Variants in FNIP2 observed in about 807,000 individuals in gnomAD.
FNIP2 encodes folliculin interacting protein 2.
In FNIP2, 32 loss-of-function variants were observed where a neutral mutation model predicts 108.7. The ratio of observed to expected loss-of-function variants is 0.29; its 90% confidence interval spans 0.22 to 0.40. The LOEUF (loss-of-function observed/expected upper bound fraction) is 0.40. Among genes scored for constraint, FNIP2 ranks in the 10% least tolerant of loss-of-function variants. The pLI is 1.00. For missense variants in FNIP2, 1,202 were observed against 1,381.6 expected (o/e 0.87, Z 2.06); for synonymous variants, 480 against 496.7 (o/e 0.97, Z 0.45).
intron 14 of FNIP2, among the ~76,000 whole-genome samples, chr4:158,883,402 C>T (rs953007892): frequency 6.6e-5 from 10 of 152,180 alleles, no homozygotes; most frequent in East Asian, 1.9e-4. Context: ...CCACTATGCC[C>T]GGCTAATTTT....
chr4:158,801,407 ATCAG>A (rs994753221), intron 1 of FNIP2, among the ~76,000 whole-genome samples: 1 of 152,238 alleles, frequency 6.6e-6, no homozygotes, highest in Admixed American at 6.5e-5. Context: ...AATTTGACTT[ATCAG>A]TCAGTGATAT....
intron 1 of FNIP2, among the ~76,000 whole-genome samples, chr4:158,778,250 A>G (rs1163749246): frequency 2.6e-5 from 4 of 152,202 alleles, no homozygotes; most frequent in Non-Finnish European, 5.9e-5. Context: ...GCACACTACA[A>G]TAGTCTTCCC....
chr4:158,825,892 T>A, intron 1 of FNIP2, 24 bp from the exon 2 acceptor site: 1 of 1,598,290 alleles, frequency 6.3e-7, no homozygotes, highest in Admixed American at 1.7e-5. Flanking sequence ...TAACATAACT[T>A]CTTTTGCCCT....
intron 14 of FNIP2, among the ~76,000 whole-genome samples, chr4:158,883,499 C>G (rs1221414685): frequency 3.3e-5 from 5 of 152,154 alleles, no homozygotes; most frequent in Admixed American, 1.3e-4. Flanking sequence ...CCTCAGCCTC[C>G]CAAAAGCCTG....
intron 1 of FNIP2, chr4:158,806,477 G>A (rs1394615974): frequency 8.6e-7 from 1 of 1,165,742 alleles, no homozygotes; most frequent in Middle Eastern, 2.3e-4. Context: ...TTAATTTACT[G>A]TGTAGTAAGG....
chr4:158,868,948 G>T lies in FNIP2; in HGVS notation c.2312G>T (p.Gly771Val). ...PQVSRSPFKP[G>V]FQENVCCPQN... ...GTTTCTAGGAGCCCTTTTAAACCTG[G>T]CTTTCAGGAGAATGTTTGCTGTCCT... The change falls in exon 13 of 17, where the codon GGC becomes GTC. Residue 771 changes from glycine (G) to valine (V), a missense_variant. Around this residue, in one of 5 missense-constraint regions of FNIP2, gnomAD observed 878 missense variants for 990.3 expected, o/e 0.89. Transcript: ENST00000264433. This position sits in a 1 kb window ranked among gnomAD's most constrained non-coding sequence, Gnocchi z 4.6. The T allele has an allele frequency of 6.2e-7, 1 of 1,613,996 alleles. No homozygotes were observed. The highest frequency in any genetic ancestry group is 8.5e-7 in the Non-Finnish European group (1 of 1,179,900).
intron 1 of FNIP2, among the ~76,000 whole-genome samples, 194 bp from the exon 2 acceptor site, chr4:158,825,722 T>G (rs1441393196): frequency 6.6e-6 from 1 of 152,264 alleles, no homozygotes. Context: ...AATTTTCATA[T>G]GGCCCTTTGG....
At chr4:158,787,024 G>C (rs4328866) in intron 1 of FNIP2, among the ~76,000 whole-genome samples, 54,036 of 151,306 alleles carry the variant, frequency 0.36, 9,989 homozygotes, top group Middle Eastern at 0.46. Flanking sequence ...GAATTTTACA[G>C]TTGGGACAGA....
At chr4:158,903,203 C>T (rs1432943345) in intron 16 of FNIP2, among the ~76,000 whole-genome samples, 1 of 152,158 alleles carries the variant, frequency 6.6e-6, no homozygotes, top group Non-Finnish European at 1.5e-5. Context: ...ATATTGAGTT[C>T]CTCACGGCTT....
chr4:158,814,279 G>C (rs1411604237), intron 1 of FNIP2, among the ~76,000 whole-genome samples: 1 of 152,252 alleles, frequency 6.6e-6, no homozygotes, highest in African/African-American at 2.4e-5. Flanking sequence ...TTTAGAGCCA[G>C]GAGACTGATT....
intron 7 of FNIP2, among the ~76,000 whole-genome samples, chr4:158,850,362 C>T (rs1779628914): frequency 6.6e-6 from 1 of 151,850 alleles, no homozygotes; most frequent in African/African-American, 2.4e-5. Context: ...AGTCTGTTTT[C>T]TTCCATTCTT....
Position 158,821,097 on chromosome 4 carries a change from T to C in FNIP2, c.108-4819T>C, listed in dbSNP as rs546486113. Among the ~76,000 whole-genome samples the C allele has an allele frequency of 3.3e-5, 5 of 152,340 alleles. No individual in the cohort carries two copies. The South Asian group carries it at 1.0e-3, about 32-fold the overall frequency. On this transcript the variant is annotated intron_variant, in intron 1 of 16. Transcript: ENST00000264433. ...TTGCTTTTCTAATCTTGATGAGTAG[T>C]TTCAGAAATGAGGCCTGGCTTCAAT...
intron 14 of FNIP2, chr4:158,890,153 T>G: frequency 1.0e-6 from 1 of 985,128 alleles, no homozygotes; most frequent in South Asian, 4.7e-5. Context: ...TTATCTCTCA[T>G]GTTTAAAATT....
At position 158,868,437 on chromosome 4, in the gene FNIP2, TG is replaced by T; in HGVS notation, c.1802del (p.Cys601SerfsTer75). On this transcript the variant is annotated frameshift_variant, in exon 13 of 17. Coordinates refer to ENST00000264433, the MANE Select transcript of FNIP2 (RefSeq NM_020840.3). LOFTEE classifies it high-confidence loss of function. This position sits in a 1 kb window ranked among gnomAD's most constrained non-coding sequence, Gnocchi z 4.6. ...CCCCTGGCCGACAGGGTTTCCTGAG[TG>T]CCCAGAGGGCACTGACAGTAGAGAC... ...HNPWPTGFPE[C>X]PEGTDSRDLG... 9 of 1,613,886 alleles carry T rather than the reference TG, an allele frequency of 5.6e-6. No individual in the cohort carries two copies. The highest frequency in any genetic ancestry group is 7.6e-6 in the Non-Finnish European group (9 of 1,179,840).
chr4:158,882,465 C>T (rs920515075), intron 14 of FNIP2, among the ~76,000 whole-genome samples: 10 of 152,078 alleles, frequency 6.6e-5, no homozygotes, highest in African/African-American at 2.4e-4. Context: ...GTGAGGAGCC[C>T]CTCTGCCTGG....
chr4:158,872,707 TA>T (rs763211345), intron 14 of FNIP2: 431 of 984,720 alleles, frequency 4.4e-4, no homozygotes, highest in Non-Finnish European at 4.9e-4. Flanking sequence ...GTGTTCTGTT[TA>T]AACTGGCGCT....
In FNIP2 at chr4:158,868,273, A is replaced by C. The variant is rs1445005776; in HGVS notation, c.1637A>C (p.Gln546Pro). ...AGTGGCAATCATGGTGAAGGTGACC[A>C]AGTTTTAAATGGGAGCAAGATCATA... ...TWSGNHGEGD[Q>P]VLNGSKIITA... The change falls in exon 13 of 17, where the codon CAA (glutamine) becomes CCA (proline). Residue 546 changes from glutamine to proline, a missense_variant. Physicochemically the swap from Gln to Pro is moderately conservative, Grantham distance 76. Transcript: ENST00000264433. This position sits in a 1 kb window ranked among gnomAD's most constrained non-coding sequence, Gnocchi z 4.6. 6.2e-7 allele frequency: 1 copy of C among 1,614,082 alleles called. No homozygotes were observed. Among genetic ancestry groups the C allele is most frequent in the Non-Finnish European group, 8.5e-7 (1 of 1,179,896 alleles).
chr4:158,827,925 T>C (rs1228483713), intron 2 of FNIP2, among the ~76,000 whole-genome samples: 1 of 151,956 alleles, frequency 6.6e-6, no homozygotes, highest in Non-Finnish European at 1.5e-5. Context: ...GACTGTCACA[T>C]TGGAGATTAG....
intron 14 of FNIP2, among the ~76,000 whole-genome samples, chr4:158,879,307 T>C (rs957531989): frequency 4.0e-5 from 6 of 150,220 alleles, no homozygotes; most frequent in Non-Finnish European, 7.4e-5. Flanking sequence ...TAACAGGAAA[T>C]AGAAATAAGT....
Sources: gnomAD v4.1 joint callset for allele counts (sites outside exome capture counted in the v4.1 genomes callset) on GRCh38, gnomAD v4.1.1 for gene constraint, gnomAD v4.1.1 regional missense constraint, Gnocchi (gnomAD v3.1) non-coding constraint, MANE v1.5 for transcripts, NCBI Gene and HGNC (gene_info 2026-07-23, HGNC 2026-07-21) for gene names.